The following XKR4 variants were observed in gnomAD, a reference collection of about 807,000 sequenced individuals.
XKR4 encodes the protein XK related 4.
A neutral mutation model predicts 53.9 loss-of-function variants in XKR4; 12 were observed. The ratio of observed to expected loss-of-function variants is 0.22; its 90% CI spans 0.14 to 0.36. The LOEUF is 0.36. XKR4 is among the 10% of genes least tolerant of loss of function. The pLI, the probability that XKR4 is intolerant of heterozygous loss-of-function variation, is 1.00. For missense variants in XKR4, 799 were observed against 859.5 expected, an observed-to-expected ratio of 0.93 and a Z score of 0.88; for synonymous variants, 354 against 362.4, an observed-to-expected ratio of 0.98 and a Z score of 0.26.
At chr8:55,244,304 G>A (rs1048170075) in intron 1 of XKR4, among the ~76,000 whole-genome samples, 2 of 152,132 alleles carry the variant, frequency 1.3e-5, no homozygotes, top group Non-Finnish European at 2.9e-5. Flanking sequence ...ACTTATAAGC[G>A]AGAACATGTG....
chr8:55,219,682 C>A (rs1817854611), intron 1 of XKR4, among the ~76,000 whole-genome samples: 1 of 152,144 alleles, frequency 6.6e-6, no homozygotes, highest in African/African-American at 2.4e-5. Flanking sequence ...TGTTGACTCC[C>A]AGTGAAATAA....
chr8:55,462,464 C>T (rs1029697053), intron 2 of XKR4, among the ~76,000 whole-genome samples: 2 of 152,046 alleles, frequency 1.3e-5, no homozygotes, highest in Admixed American at 1.3e-4. Context: ...TAAAAGAGCT[C>T]CTGAAGGAAG....
At chr8:55,459,560 T>C (rs1259417377) in intron 2 of XKR4, among the ~76,000 whole-genome samples, 1 of 152,068 alleles carries the variant, frequency 6.6e-6, no homozygotes. Flanking sequence ...AATATATCAA[T>C]AACTCTTACA....
rs1807054147 is a variant in XKR4 at position 55,538,023 on chromosome 8, G to GT, written c.*13797dup. On this transcript the variant is annotated 3_prime_UTR_variant, in exon 3 of 3. Transcript: ENST00000327381. ...TACGATAATCAATGGAATTTATGGTGTCGTAGAAAACCAAAAATCCATGTT... is the reference window on the plus strand; with the variant it reads ...TACGATAATCAATGGAATTTATGGTGTTCGTAGAAAACCAAAAATCCATGTT... 6.6e-6 allele frequency: 1 copy of GT among 152,190 alleles called. No individual in the cohort carries two copies. The highest frequency in any genetic ancestry group is 6.5e-5 in the Admixed American group (1 of 15,276). The allele number at this position is 152,190 out of a possible 1,614,324, so 9.4% of individuals were successfully genotyped here.
At chr8:55,164,360 A>G (rs1022286743) in intron 1 of XKR4, 4 of 456,070 alleles carry the variant, frequency 8.8e-6, no homozygotes, top group Admixed American at 2.4e-5. Flanking sequence ...AATAACTCCT[A>G]TAAGTTCAGA....
Position 55,503,842 on chromosome 8 carries a change from G to A in XKR4, c.1007-19439G>A, listed in dbSNP as rs376442632. ...GTATTTTTTTAGCTGTGGGCTTTTC[G>A]TTTATGGCCTTTATTATGATGAGGT... On this transcript the variant is annotated intron_variant, in intron 2 of 2. Transcript: ENST00000327381. 1.8e-4 allele frequency among the ~76,000 whole-genome samples: 28 copies of A among 151,992 alleles called. No homozygotes were observed. In the South Asian group the frequency reaches 5.2e-3, roughly 28 times the overall value.
intron 2 of XKR4, among the ~76,000 whole-genome samples, chr8:55,383,031 T>G (rs1804258113): frequency 1.3e-5 from 2 of 151,978 alleles, no homozygotes; most frequent in Admixed American, 1.3e-4. Flanking sequence ...TGGCCCACAG[T>G]GTGAAACCCC....
At position 55,496,458 on chromosome 8, in the gene XKR4, G is replaced by A. The variant is rs891824899; in HGVS notation, c.1007-26823G>A. Among the ~76,000 whole-genome samples the A allele has an allele frequency of 2.6e-5, 4 of 152,186 alleles. 1 individual carries two copies. The highest frequency in any genetic ancestry group is 5.9e-5 in the Non-Finnish European group (4 of 68,044). On this transcript the variant is annotated intron_variant, in intron 2 of 2. Transcript: ENST00000327381. The stretch of plus-strand genomic sequence containing the variant: ...TGATTCTGTCCCTTACAAAAGGAGA[G>A]ATCTTAAGACAGCCAACCTCTCAGA...
chr8:55,147,581 G>A (rs557129126), intron 1 of XKR4, among the ~76,000 whole-genome samples: 2 of 152,226 alleles, frequency 1.3e-5, no homozygotes, highest in African/African-American at 2.4e-5. Flanking sequence ...TGTCCGAGGA[G>A]GCAAGAGGCT....
chr8:55,235,849 C>A (rs1393250386), intron 1 of XKR4, among the ~76,000 whole-genome samples: 5 of 152,136 alleles, frequency 3.3e-5, no homozygotes, highest in African/African-American at 9.7e-5. Context: ...AATTGGCAAG[C>A]TTTGTTGGGC....
chr8:55,439,001 G>T (rs1487728015), intron 2 of XKR4, among the ~76,000 whole-genome samples: 1 of 152,138 alleles, frequency 6.6e-6, no homozygotes, highest in Non-Finnish European at 1.5e-5. Flanking sequence ...TAGGACGGGG[G>T]TGAGGGGTTG....
chr8:55,392,325 C>G (rs1309966107), intron 2 of XKR4, among the ~76,000 whole-genome samples: 2 of 152,032 alleles, frequency 1.3e-5, no homozygotes, highest in African/African-American at 4.8e-5. Flanking sequence ...ATCTTACTGT[C>G]CCAGAAAGCA....
rs1806921109 is a variant in XKR4 at position 55,529,539 on chromosome 8, C to T, written c.*5312C>T. 6.6e-6 allele frequency: 1 copy of T among 152,114 alleles called. No homozygotes were observed. Among genetic ancestry groups the T allele is most frequent in the Non-Finnish European group, 1.5e-5 (1 of 68,020 alleles). The allele number at this position is 152,114 out of a possible 1,614,324, so 9.4% of individuals were successfully genotyped here. A position where few individuals can be genotyped will look rare whatever the true frequency, so the allele number is the denominator to read the frequency against. On this transcript the variant is annotated 3_prime_UTR_variant, in exon 3 of 3. Transcript: ENST00000327381. ...TGTATCTATGTGGTTTCATTTAGTC[C>T]TCACTGCCATCTGTGAGTTAAGCAT...
At chr8:55,400,879 A>G (rs1483286869) in intron 2 of XKR4, among the ~76,000 whole-genome samples, 5 of 152,308 alleles carry the variant, frequency 3.3e-5, no homozygotes, top group Admixed American at 2.0e-4. Flanking sequence ...CAGGAAGACT[A>G]CTGAAGGCCT....
At chr8:55,212,972 T>C (rs890076316) in intron 1 of XKR4, among the ~76,000 whole-genome samples, 1 of 152,248 alleles carries the variant, frequency 6.6e-6, no homozygotes, top group Non-Finnish European at 1.5e-5. Context: ...CACTGTGAGA[T>C]AAAGGTATTA....
At chr8:55,171,834 G>A (rs1424853136) in intron 1 of XKR4, among the ~76,000 whole-genome samples, 2 of 152,030 alleles carry the variant, frequency 1.3e-5, no homozygotes, top group African/African-American at 2.4e-5. Flanking sequence ...TGTGCCTCCC[G>A]AGTCCAGATC....
At chr8:55,279,721 C>T (rs1240191911) in intron 1 of XKR4, among the ~76,000 whole-genome samples, 5 of 152,146 alleles carry the variant, frequency 3.3e-5, no homozygotes, top group African/African-American at 1.2e-4. Flanking sequence ...CTCAGCCCGT[C>T]AGCCAGGGCA....
At chr8:55,326,531 C>A (rs1260039274) in intron 1 of XKR4, among the ~76,000 whole-genome samples, 1 of 133,826 alleles carries the variant, frequency 7.5e-6, no homozygotes, top group African/African-American at 2.9e-5. Flanking sequence ...AGTGCAGTGG[C>A]CCAATCTCGG....
intron 2 of XKR4, among the ~76,000 whole-genome samples, chr8:55,473,937 G>C (rs1805933443): frequency 7.8e-6 from 1 of 127,694 alleles, no homozygotes; most frequent in Non-Finnish European, 1.6e-5. Context: ...ATGAGATATT[G>C]TTCTGTCATC....
Sources: gnomAD v4.1 joint callset for allele counts (sites outside exome capture counted in the v4.1 genomes callset) on GRCh38, gnomAD v4.1.1 for gene constraint, MANE v1.5 for transcripts, NCBI Gene and HGNC (gene_info 2026-07-23, HGNC 2026-07-21) for gene names.